SNCAIP: variants seen among roughly 807,000 people sequenced by gnomAD.
The protein encoded by SNCAIP is synuclein alpha interacting protein.
Under a neutral mutation model 86.7 loss-of-function variants are expected in SNCAIP, and 43 were observed. The ratio of observed to expected loss-of-function variants is 0.50; its 90% CI spans 0.39 to 0.64. The LOEUF (loss-of-function observed/expected upper bound fraction) is 0.64, where lower values mean the gene tolerates loss of function less well. Ranked by LOEUF, SNCAIP falls within the 30% of genes least tolerant of loss-of-function variation. The pLI is 0.00. For synonymous variants in SNCAIP, 417 were observed against 427.2 expected (o/e 0.98, Z 0.29); for missense variants, 981 against 1,103.1 (o/e 0.89, Z 1.57).
chr5:122,345,245 C>G (rs193275612), intron 1 of SNCAIP, among the ~76,000 whole-genome samples: 3 of 152,088 alleles, frequency 2.0e-5, no homozygotes, highest in Admixed American at 6.6e-5. Flanking sequence ...TATTGGAATG[C>G]CCTCATGTGT....
intron 6 of SNCAIP, among the ~76,000 whole-genome samples, chr5:122,437,821 C>T (rs1297683269): frequency 6.6e-6 from 1 of 152,176 alleles, no homozygotes. Flanking sequence ...CCATGTATGT[C>T]TTGTTCTCCC....
chr5:122,394,865 T>C (rs1770253920), intron 2 of SNCAIP, among the ~76,000 whole-genome samples: 1 of 152,190 alleles, frequency 6.6e-6, no homozygotes, highest in African/African-American at 2.4e-5. Flanking sequence ...TCAAGCCTCA[T>C]ACATCAGCTT....
intron 1 of SNCAIP, among the ~76,000 whole-genome samples, chr5:122,353,807 A>G (rs781718723): frequency 2.0e-5 from 3 of 152,094 alleles, no homozygotes; most frequent in Non-Finnish European, 4.4e-5. Flanking sequence ...AGTCTCGGGT[A>G]TGTCTTTATC....
At chr5:122,370,035 T>C (rs367554384) in intron 1 of SNCAIP, 12 of 152,246 alleles carry the variant, frequency 7.9e-5, no homozygotes, top group East Asian at 3.9e-4. Flanking sequence ...AAAAATAGAA[T>C]GGTATATTTC....
At chr5:122,448,492 T>A (rs1485955740) in intron 8 of SNCAIP, among the ~76,000 whole-genome samples, 1 of 150,056 alleles carries the variant, frequency 6.7e-6, no homozygotes, top group Non-Finnish European at 1.5e-5. Context: ...AATTAAAAAA[T>A]TTTTTAATTC....
upstream of SNCAIP, chr5:122,311,974 C>T (rs1409786626): frequency 1.3e-5 from 2 of 148,578 alleles, no homozygotes; most frequent in African/African-American, 4.9e-5. Flanking sequence ...GCGCGGCGGC[C>T]CCGGCAGCCT....
intron 7 of SNCAIP, among the ~76,000 whole-genome samples, chr5:122,443,917 T>C (rs183855321): frequency 1.3e-5 from 2 of 152,128 alleles, no homozygotes; most frequent in Non-Finnish European, 2.9e-5. Flanking sequence ...CTATTGCCAA[T>C]TGTAGCCATA....
chr5:122,381,399 T>A (rs1168620206), intron 1 of SNCAIP, among the ~76,000 whole-genome samples: 28 of 136,734 alleles, frequency 2.0e-4, no homozygotes, highest in South Asian at 7.4e-4. Context: ...GCTTGGTAGA[T>A]CTTCCTCCAT....
At chr5:122,461,097 ATCT>A (rs901151685) in intron 10 of SNCAIP, among the ~76,000 whole-genome samples, 4 of 152,200 alleles carry the variant, frequency 2.6e-5, no homozygotes, top group African/African-American at 9.6e-5. Flanking sequence ...GTCTGAAAAT[ATCT>A]TCAATTTACC....
At chr5:122,392,248 C>CT (rs950515448) in intron 2 of SNCAIP, among the ~76,000 whole-genome samples, 12 of 148,542 alleles carry the variant, frequency 8.1e-5, no homozygotes, top group East Asian at 3.9e-4. Context: ...TTGGATGAGT[C>CT]TTTTTTTTTT....
At chr5:122,379,919 A>C (rs1303963942) in intron 1 of SNCAIP, among the ~76,000 whole-genome samples, 1 of 152,068 alleles carries the variant, frequency 6.6e-6, no homozygotes, top group Non-Finnish European at 1.5e-5. Context: ...AAGCTTTTTG[A>C]TGTGTTGCTG....
intron 3 of SNCAIP, among the ~76,000 whole-genome samples, chr5:122,419,604 A>G (rs1374524320): frequency 6.6e-6 from 1 of 152,226 alleles, no homozygotes; most frequent in Non-Finnish European, 1.5e-5. Context: ...TTTAAGGGAT[A>G]GAGAGATAAA....
chr5:122,421,212 C>T (rs749447816), intron 3 of SNCAIP, among the ~76,000 whole-genome samples: 1 of 152,184 alleles, frequency 6.6e-6, no homozygotes, highest in Non-Finnish European at 1.5e-5. Flanking sequence ...TCGTAGTATT[C>T]TCTTCTTAGA....
chr5:122,335,634 G>C (rs1297366141), intron 1 of SNCAIP, among the ~76,000 whole-genome samples: 1 of 152,148 alleles, frequency 6.6e-6, no homozygotes, highest in Admixed American at 6.5e-5. Flanking sequence ...AACACCTGTG[G>C]AAGGAAGGGA....
chr5:122,413,589 C>G (rs187063676), intron 3 of SNCAIP, among the ~76,000 whole-genome samples: 1 of 152,120 alleles, frequency 6.6e-6, no homozygotes, highest in Non-Finnish European at 1.5e-5. Context: ...TTCATTCACT[C>G]CTGCACCCCT....
At chr5:122,419,291 T>G (rs1374660021) in intron 3 of SNCAIP, among the ~76,000 whole-genome samples, 1 of 152,140 alleles carries the variant, frequency 6.6e-6, no homozygotes, top group Non-Finnish European at 1.5e-5. Context: ...TTGCACATTC[T>G]AAGACTGCAC....
intron 1 of SNCAIP, among the ~76,000 whole-genome samples, chr5:122,353,763 G>A (rs908221027): frequency 6.6e-6 from 1 of 152,102 alleles, no homozygotes; most frequent in African/African-American, 2.4e-5. Flanking sequence ...TAGCCAAGTG[G>A]AACTGTAAGT....
intron 1 of SNCAIP, among the ~76,000 whole-genome samples, chr5:122,367,293 T>C (rs1207240906): frequency 2.0e-5 from 3 of 152,130 alleles, no homozygotes; most frequent in Non-Finnish European, 4.4e-5. Flanking sequence ...TGTGATTGGA[T>C]TTAGTAATAG....
At chr5:122,411,131 C>T (rs1000423493) in intron 3 of SNCAIP, among the ~76,000 whole-genome samples, 1 of 152,062 alleles carries the variant, frequency 6.6e-6, no homozygotes, top group Admixed American at 6.6e-5. Flanking sequence ...GTAAAGAAAC[C>T]GCCTGTTGGT....
Sources: allele counts gnomAD v4.1 joint callset (sites outside exome capture counted in the v4.1 genomes callset), GRCh38; gene constraint gnomAD v4.1.1; transcripts MANE v1.5; gene names NCBI Gene and HGNC (gene_info 2026-07-23, HGNC 2026-07-21).